The following PRDM14 variants were observed in gnomAD, a reference collection of about 807,000 sequenced individuals.
The protein encoded by PRDM14 is PR domain zinc finger protein 14.
Under a neutral mutation model 48.0 loss-of-function variants are expected in PRDM14, and 16 were observed. The ratio of observed to expected loss-of-function variants is 0.33; its 90% confidence interval spans 0.23 to 0.51. PRDM14 has a LOEUF of 0.51. PRDM14 is among the 20% of genes least tolerant of loss of function. The pLI is 0.97. For missense variants in PRDM14, 566 were observed against 719.6 expected (o/e 0.79, Z 2.44); for synonymous variants, 264 against 276.6 (o/e 0.95, Z 0.45).
chr8:70,069,111 G>T (rs1056597243), intron 2 of PRDM14, 50 bp downstream of exon 2: 1 of 1,386,034 alleles, frequency 7.2e-7, no homozygotes. Flanking sequence ...TCCCGTTCCC[G>T]CCTGCATTCC....
chr8:70,069,880 C>G lies in PRDM14; in HGVS notation c.-20G>C, dbSNP rs756860583. On this transcript the variant is annotated 5_prime_UTR_variant, in exon 2 of 8. Transcript: ENST00000276594. ...AGCCATCCCGGGACCGCACGCTCGG[C>G]GGCTCTGCAGAAAAGCGGGCGCCGC... The G allele has an allele frequency of 6.5e-7, 1 of 1,548,262 alleles. No individual in the cohort carries two copies. Among genetic ancestry groups the G allele is most frequent in the African/African-American group, 1.4e-5 (1 of 73,654 alleles).
rs750398630 is a variant in PRDM14, at chr8:70,069,641, C to T, written c.220G>A (p.Ala74Thr). 3 of 1,570,400 alleles carry T rather than the reference C, an allele frequency of 1.9e-6. No homozygotes were observed. Among genetic ancestry groups the T allele is most frequent in the Middle Eastern group, 1.7e-4 (1 of 6,014 alleles). The change falls in exon 2 of 8, where the codon GCG (alanine) becomes ACG (threonine). Residue 74 changes from alanine (A) to threonine (T), a missense_variant. Physicochemically the swap from Ala to Thr is moderately conservative, Grantham distance 58 (BLOSUM62 0). Transcript: ENST00000276594. ...PAMPPFPFRM[A>T]PPLLSPGLGL... ...AGACCCGGGCTCAGCAAGGGAGGCG[C>T]CATCCGGAAGGGGAAGGGGGGCATG...
In PRDM14 at chr8:70,069,843, T is replaced by A; in HGVS notation, c.18A>T (p.Pro6=). Residue 6 remains proline (P), a synonymous_variant, in exon 2 of 8, where the codon CCA becomes CCT. Coordinates refer to ENST00000276594, the MANE Select transcript of PRDM14 (RefSeq NM_024504.4). ...CCTTGTCCTGAGGCACGGCCTCACT[T>A]GGCCGGGGTAGAGCCATCCCGGGAC... is the stretch of plus-strand genomic sequence containing the variant. MALPR[P]SEAVPQDKVC... is the part of the protein sequence containing the mutation. 1 of 1,603,848 alleles carries A rather than the reference T, an allele frequency of 6.2e-7. No homozygotes were observed. The highest frequency in any genetic ancestry group is 8.5e-7 in the Non-Finnish European group (1 of 1,175,694).
chr8:70,057,080 C>A lies in PRDM14; in HGVS notation c.1386+1560G>T, dbSNP rs183817739. 1.8e-3 allele frequency among the ~76,000 whole-genome samples: 278 copies of A among 151,934 alleles called. 4 individuals carry two copies. The highest frequency in any genetic ancestry group is 6.0e-3 in the African/African-American group (247 of 41,492). On this transcript the variant is annotated intron_variant, in intron 6 of 7. Coordinates refer to ENST00000276594, the MANE Select transcript of PRDM14 (RefSeq NM_024504.4). ...TCCCAGGTTCACGCCATTCTCCTGC[C>A]TCAGCCTCCCGAGTAGGTGGGACTA...
At chr8:70,065,516 G>A (rs1045609966) in intron 5 of PRDM14, among the ~76,000 whole-genome samples, 3 of 151,976 alleles carry the variant, frequency 2.0e-5, no homozygotes, top group African/African-American at 7.3e-5. Context: ...CCTGCAAGTT[G>A]ATAAAAATAC....
intron 6 of PRDM14, among the ~76,000 whole-genome samples, chr8:70,057,846 A>T (rs567530798): frequency 3.9e-5 from 6 of 152,228 alleles, no homozygotes; most frequent in Non-Finnish European, 7.3e-5. Flanking sequence ...TATAGTGATT[A>T]AACATGACTT....
intron 5 of PRDM14, among the ~76,000 whole-genome samples, chr8:70,064,523 CTTTT>C (rs1170368852): frequency 2.2e-5 from 3 of 136,172 alleles, no homozygotes; most frequent in Non-Finnish European, 3.2e-5. Flanking sequence ...ATGCAATTTA[CTTTT>C]TTTTTTTTTT....
chr8:70,067,532 A>AAAC (rs199512304), intron 4 of PRDM14, among the ~76,000 whole-genome samples: 2,289 of 125,742 alleles, frequency 0.018, 74 homozygotes, highest in African/African-American at 0.068. Flanking sequence ...AAAAAAAAAC[A>AAAC]AAAAAAAAAA....
chr8:70,061,486 A>G (rs1476427251), intron 5 of PRDM14, among the ~76,000 whole-genome samples: 4 of 152,236 alleles, frequency 2.6e-5, no homozygotes, highest in Non-Finnish European at 5.9e-5. Context: ...GGCAACTGCC[A>G]GCCCCAAGCT....
At chr8:70,067,975 G>GTA (rs1805700151) in intron 4 of PRDM14, among the ~76,000 whole-genome samples, 2 of 152,124 alleles carry the variant, frequency 1.3e-5, no homozygotes, top group African/African-American at 4.8e-5. Flanking sequence ...TTCTTTAAAT[G>GTA]TATATTCCAT....
chr8:70,056,155 G>T (rs1805468628), intron 6 of PRDM14, among the ~76,000 whole-genome samples: 1 of 152,200 alleles, frequency 6.6e-6, no homozygotes, highest in Non-Finnish European at 1.5e-5. Context: ...GATTATCTGA[G>T]ACGTGTTGAA....
chr8:70,067,868 A>T (rs113504271), intron 4 of PRDM14, among the ~76,000 whole-genome samples: 1 of 152,070 alleles, frequency 6.6e-6, no homozygotes, highest in African/African-American at 2.4e-5. Context: ...ATAATATTGA[A>T]TTTTAAAACT....
At chr8:70,061,329 T>C (rs1382550760) in intron 5 of PRDM14, among the ~76,000 whole-genome samples, 1 of 152,184 alleles carries the variant, frequency 6.6e-6, no homozygotes, top group Non-Finnish European at 1.5e-5. Context: ...AGTGAGTCTA[T>C]GCAAGAGTCT....
At chr8:70,056,816 C>CAA (rs761330044) in intron 6 of PRDM14, among the ~76,000 whole-genome samples, 10,508 of 75,022 alleles carry the variant, frequency 0.14, 906 homozygotes, top group East Asian at 0.23. Context: ...GAGACTGTCT[C>CAA]AAAAAAAAAA....
chr8:70,052,070 G>A lies in PRDM14; in HGVS notation c.*7C>T. The A allele has an allele frequency of 6.3e-7, 1 of 1,576,946 alleles. No individual in the cohort carries two copies. Among genetic ancestry groups the A allele is most frequent in the East Asian group, 2.3e-5 (1 of 44,432 alleles). ...ATTACAGGCGTGAGTCATTGTGCCT[G>A]GCAGGGCTAGTAGTCTTCATGAAAC... On this transcript the variant is annotated 3_prime_UTR_variant, in exon 8 of 8. Coordinates refer to ENST00000276594, the MANE Select transcript of PRDM14 (RefSeq NM_024504.4).
chr8:70,059,396 C>T (rs1805538399), intron 5 of PRDM14, among the ~76,000 whole-genome samples: 1 of 151,886 alleles, frequency 6.6e-6, no homozygotes, highest in Non-Finnish European at 1.5e-5. Flanking sequence ...CTCAGCCTCC[C>T]AAGTAGCTGG....
At chr8:70,061,873 G>A (rs561079574) in intron 5 of PRDM14, among the ~76,000 whole-genome samples, 9 of 151,968 alleles carry the variant, frequency 5.9e-5, no homozygotes, top group Non-Finnish European at 1.3e-4. Flanking sequence ...CCTCACAAGA[G>A]GGGAATGCTT....
intron 6 of PRDM14, 122 bp from the exon 7 acceptor site, chr8:70,055,523 TGAGACGGGATCTCAA>T: frequency 6.0e-6 from 3 of 503,178 alleles, no homozygotes; most frequent in Non-Finnish European, 1.1e-5. Context: ...TTTTTTTTTT[TGAGACGGGATCTCAA>T]TTTGTTACCC....
chr8:70,058,421 T>C (rs1303001938), intron 6 of PRDM14, among the ~76,000 whole-genome samples: 2 of 152,216 alleles, frequency 1.3e-5, no homozygotes, highest in African/African-American at 4.8e-5. Flanking sequence ...CCTTCCTCCA[T>C]GTTCCTCCCT....
Sources: allele counts gnomAD v4.1 joint callset (sites outside exome capture counted in the v4.1 genomes callset), GRCh38; gene constraint gnomAD v4.1.1; transcripts MANE v1.5; gene names NCBI Gene and HGNC (gene_info 2026-07-23, HGNC 2026-07-21).